Variants in RGN observed in about 807,000 individuals in gnomAD.
RGN encodes regucalcin.
In RGN, 19 loss-of-function variants were observed where a neutral mutation model predicts 20.6. That is an observed-to-expected ratio of 0.92 (90% CI 0.64 to 1.35). The LOEUF is 1.35. Among genes scored for constraint, RGN ranks in the 40% most tolerant of loss-of-function variants. The pLI is 0.00. For synonymous variants in RGN, 85 were observed against 87.2 expected (o/e 0.97, Z 0.14); for missense variants, 302 against 232.7 (o/e 1.30, Z -1.94).
At chrX:47,089,533 T>TATTATATATAC (rs1930809816) in intron 4 of RGN, among the ~76,000 whole-genome samples, 1 of 16,478 alleles carries the variant, frequency 6.1e-5, no homozygotes, top group Non-Finnish European at 1.3e-4. Context: ...TATATACTCA[T>TATTATATATAC]ATATATACAT....
chrX:47,092,773 T>A lies in RGN; in HGVS notation c.850-124T>A, dbSNP rs181454818. 313 of 551,812 alleles carry A rather than the reference T, an allele frequency of 5.7e-4. No homozygotes were observed. The African/African-American group carries it at 6.5e-3, about 11-fold the overall frequency. The allele number at this position is 551,812 out of a possible 1,213,427, so 45.5% of individuals were successfully genotyped here. On this transcript the variant is annotated intron_variant, in intron 7 of 7. Coordinates refer to ENST00000397180, the MANE Select transcript of RGN (RefSeq NM_152869.4). ...AATATCCAGTCAGGTAATTCCTTTT[T>A]ATGATAGGAGATAAAACAAAGATAA...
At chrX:47,087,595 G>T (rs781784976) in intron 4 of RGN, 17 of 109,622 alleles carry the variant, frequency 1.6e-4, no homozygotes, top group Non-Finnish European at 2.5e-4. Flanking sequence ...GCAAATGCAT[G>T]AAGAGCTCCA....
intron 4 of RGN, among the ~76,000 whole-genome samples, chrX:47,088,457 C>T (rs1417028636): frequency 9.0e-6 from 1 of 110,681 alleles, no homozygotes; most frequent in South Asian, 3.8e-4. Flanking sequence ...AGGATCGACC[C>T]TGTCTTGCTT....
chrX:47,091,945 T>C (rs968501434), intron 6 of RGN, 116 bp from the exon 7 acceptor site: 1 of 964,251 alleles, frequency 1.0e-6, no homozygotes, highest in East Asian at 3.2e-5. Flanking sequence ...GTAGATTAAA[T>C]ATTAAATGCA....
chrX:47,087,914 TAA>T (rs1478854314), intron 4 of RGN, among the ~76,000 whole-genome samples: 1 of 101,115 alleles, frequency 9.9e-6, no homozygotes, highest in African/African-American at 3.5e-5. Context: ...ATATTATATA[TAA>T]ATATAATTAT....
At position 47,081,094 on chromosome X, in the gene RGN, C is replaced by T. The variant is rs140980311; in HGVS notation, c.-15-36C>T. ...GGTGTTTTACTGTATTTGTTCTGTG[C>T]GATGACCTTTCACTCACCTCTGTTA... On this transcript the variant is annotated intron_variant, in intron 2 of 7. Transcript: ENST00000397180. 1,172 of 1,038,475 alleles carry T rather than the reference C, an allele frequency of 1.1e-3. 10 individuals carry two copies. The African/African-American group carries it at 0.018, about 16-fold the overall frequency. The allele number at this position is 1,038,475 out of a possible 1,213,427, so 85.6% of individuals were successfully genotyped here. A position where few individuals can be genotyped will look rare whatever the true frequency, so the allele number is the denominator to read the frequency against.
In RGN at chrX:47,081,257, A is replaced by G. The variant is rs782752642; in HGVS notation, c.113A>G (p.Lys38Arg). The G allele has an allele frequency of 8.3e-7, 1 of 1,210,430 alleles. No homozygotes were observed. Among genetic ancestry groups the G allele is most frequent in the East Asian group, 3.0e-5 (1 of 33,818 alleles). Residue 38 changes from lysine to arginine, a missense_variant, in exon 3 of 8, where the codon AAG (lysine) becomes AGG (arginine). By Grantham distance (26) the Lys-to-Arg change is conservative (BLOSUM62 2). Transcript: ENST00000397180. ...CTCTTTGTAGACATTCCTGCAAAAAAGGTTTGCCGGTGGGATTCATTCACC... is the reference window on the plus strand; with the variant it reads ...CTCTTTGTAGACATTCCTGCAAAAAGGGTTTGCCGGTGGGATTCATTCACC... ...SLLFVDIPAK[K>R]VCRWDSFTKQ... is the part of the protein sequence containing the mutation.
At position 47,092,953 on chromosome X, in the gene RGN, G is replaced by T; in HGVS notation, c.*6G>T. The T allele has an allele frequency of 1.7e-6, 2 of 1,192,188 alleles. No homozygotes were observed. Among genetic ancestry groups the T allele is most frequent in the Middle Eastern group, 4.7e-4 (2 of 4,296 alleles). ...CCTACTCCTATGCGGGATGAGGACAGGTCTTCTTTCCTGCCAGAGGGAGCT... is the reference window on the plus strand; with the variant it reads ...CCTACTCCTATGCGGGATGAGGACATGTCTTCTTTCCTGCCAGAGGGAGCT... On this transcript the variant is annotated 3_prime_UTR_variant, in exon 8 of 8. Coordinates refer to ENST00000397180, the MANE Select transcript of RGN (RefSeq NM_152869.4).
intron 4 of RGN, 163 bp downstream of exon 4, chrX:47,084,763 G>A (rs1373772940): frequency 1.5e-5 from 6 of 407,998 alleles, no homozygotes; most frequent in African/African-American, 2.6e-5. Context: ...ATAACTGCCT[G>A]GGCAACATAG....
chrX:47,089,332 A>T (rs1226340316), intron 4 of RGN, among the ~76,000 whole-genome samples: 1 of 62,967 alleles, frequency 1.6e-5, no homozygotes, highest in Non-Finnish European at 3.0e-5. Flanking sequence ...TATGCAAGAT[A>T]ATTGTCATTT....
intron 2 of RGN, 83 bp downstream of exon 2, chrX:47,081,019 T>C (rs1556381054): frequency 3.7e-6 from 2 of 536,316 alleles, no homozygotes; most frequent in African/African-American, 4.6e-5. Flanking sequence ...ACATTGCATA[T>C]CCTGCTCTGA....
At chrX:47,086,014 C>T (rs1422122011) in intron 4 of RGN, among the ~76,000 whole-genome samples, 1 of 112,322 alleles carries the variant, frequency 8.9e-6, no homozygotes, top group East Asian at 2.8e-4. Flanking sequence ...TTCCCTCCAG[C>T]ACAGGATGCA....
chrX:47,090,852 A>T (rs1299868063), intron 5 of RGN, among the ~76,000 whole-genome samples: 1 of 101,434 alleles, frequency 9.9e-6, no homozygotes, highest in Non-Finnish European at 2.0e-5. Context: ...ACAGAGCGAG[A>T]CACTGTCAAA....
At chrX:47,092,291 T>C (rs1931051878) in intron 7 of RGN, 76 bp downstream of exon 7, 7 of 831,228 alleles carry the variant, frequency 8.4e-6, no homozygotes, top group African/African-American at 2.1e-5. Flanking sequence ...GAGTGATTGG[T>C]ACTTTTGCAT....
At chrX:47,086,777 G>GAGAA in intron 4 of RGN, among the ~76,000 whole-genome samples, 1 of 102,421 alleles carries the variant, frequency 9.8e-6, no homozygotes, top group Non-Finnish European at 2.0e-5. Flanking sequence ...GAGAGAGAGA[G>GAGAA]AGAGAGAAAG....
At chrX:47,081,467 G>C (rs1416732499) in intron 3 of RGN, among the ~76,000 whole-genome samples, 160 bp downstream of exon 3, 1 of 105,618 alleles carries the variant, frequency 9.5e-6, no homozygotes, top group East Asian at 3.0e-4. Flanking sequence ...AATTATGGAT[G>C]GTCAATACTT....
chrX:47,090,093 CTTAA>C, intron 5 of RGN, 102 bp downstream of exon 5: 1 of 527,300 alleles, frequency 1.9e-6, no homozygotes, highest in Non-Finnish European at 3.1e-6. Context: ...GAAGTCTTCA[CTTAA>C]ATGGAGAGCT....
chrX:47,090,940 G>A (rs1193001992), intron 5 of RGN, among the ~76,000 whole-genome samples: 2 of 25,991 alleles, frequency 7.7e-5, no homozygotes, highest in Admixed American at 7.3e-4. Flanking sequence ...AAGAAAGAAA[G>A]AAAGAAAGAA....
In RGN at chrX:47,084,470, C is replaced by A; in HGVS notation, c.216C>A (p.Thr72=). The A allele has an allele frequency of 8.3e-7, 1 of 1,206,505 alleles. No homozygotes were observed. The highest frequency in any genetic ancestry group is 1.1e-6 in the Non-Finnish European group (1 of 892,536). The change falls in exon 4 of 8, where the codon ACC becomes ACA. Residue 72 remains threonine (T), a synonymous_variant. Coordinates refer to ENST00000397180, the MANE Select transcript of RGN (RefSeq NM_152869.4). ...GCCAGTCGGGAGGCTATGTTGCCAC[C>A]ATTGGAACAAAGTTCTGTGCTTTGA... ...ALRQSGGYVA[T]IGTKFCALNW... is the part of the protein sequence containing the mutation.
Sources: allele counts gnomAD v4.1 joint callset (sites outside exome capture counted in the v4.1 genomes callset), GRCh38; gene constraint gnomAD v4.1.1; transcripts MANE v1.5; gene names NCBI Gene and HGNC (gene_info 2026-07-23, HGNC 2026-07-21).